The following CCDC81 variants were observed in gnomAD, a reference collection of about 807,000 sequenced individuals.
CCDC81 encodes coiled-coil domain containing 81, also known as coiled-coil domain-containing protein 81.
Under a neutral mutation model 83.7 loss-of-function variants are expected in CCDC81, and 79 were observed. That is an observed-to-expected ratio of 0.94 (90% confidence interval 0.79 to 1.14). The LOEUF (loss-of-function observed/expected upper bound fraction) is 1.14. Ranked by LOEUF, CCDC81 falls within the 50% of genes most tolerant of loss-of-function variation. The pLI is 0.00. For synonymous variants in CCDC81, 252 were observed against 278.1 expected, an observed-to-expected ratio of 0.91 and a Z score of 0.93; for missense variants, 791 against 778.1, an observed-to-expected ratio of 1.02 and a Z score of -0.20.
chr11:86,401,334 T>A (rs1948483985), intron 7 of CCDC81, among the ~76,000 whole-genome samples: 1 of 152,190 alleles, frequency 6.6e-6, no homozygotes, highest in African/African-American at 2.4e-5. Flanking sequence ...AGGATACTTT[T>A]TAAGACCTCA....
chr11:86,384,060 C>G (rs1948208309), intron 1 of CCDC81, among the ~76,000 whole-genome samples: 1 of 152,108 alleles, frequency 6.6e-6, no homozygotes, highest in Admixed American at 6.5e-5. Context: ...TCTCCTGGCT[C>G]TAATGAAATC....
chr11:86,392,493 G>T (rs1948344961), intron 3 of CCDC81, 48 bp from the exon 4 acceptor site: 3 of 1,537,372 alleles, frequency 2.0e-6, no homozygotes, highest in Admixed American at 2.0e-5. Flanking sequence ...TGTCCTTATG[G>T]TAATCACCAC....
chr11:86,415,612 C>T (rs1362252007), intron 13 of CCDC81, among the ~76,000 whole-genome samples: 1 of 152,190 alleles, frequency 6.6e-6, no homozygotes, highest in Non-Finnish European at 1.5e-5. Context: ...ACATTCCCAA[C>T]CAATAGCATA....
intron 1 of CCDC81, among the ~76,000 whole-genome samples, chr11:86,380,331 C>T (rs577397771): frequency 6.6e-6 from 1 of 152,248 alleles, no homozygotes; most frequent in Admixed American, 6.5e-5. Flanking sequence ...CTTTGTTTCT[C>T]TATAGATGAG....
chr11:86,392,073 C>A (rs961385819), intron 3 of CCDC81, among the ~76,000 whole-genome samples: 3 of 152,174 alleles, frequency 2.0e-5, no homozygotes, highest in East Asian at 3.8e-4. Context: ...CCCCATGATC[C>A]AATCACCTCC....
At chr11:86,387,400 C>T (rs1360882195) in intron 2 of CCDC81, 116 bp from the exon 3 acceptor site, 3 of 901,842 alleles carry the variant, frequency 3.3e-6, no homozygotes, top group Admixed American at 2.4e-5. Flanking sequence ...CTAGAGATCA[C>T]TGAATTTTTA....
chr11:86,383,405 T>C (rs750049767), intron 1 of CCDC81, among the ~76,000 whole-genome samples: 1 of 152,220 alleles, frequency 6.6e-6, no homozygotes, highest in Non-Finnish European at 1.5e-5. Context: ...CATATAGTAT[T>C]GTATAATTTA....
chr11:86,415,246 A>G lies in CCDC81; in HGVS notation c.1624A>G (p.Lys542Glu). Reference protein sequence around the residue: ...QLEAAANHKRKAILHQLVDQR... With the variant: ...QLEAAANHKREAILHQLVDQR... ...GGAGGCAGCTGCTAACCACAAGAGG[A>G]AAGCCATCCTGCATCAACTAGTGGA... The change falls in exon 13 of 15, where the codon AAA becomes GAA. Residue 542 changes from lysine (K) to glutamate (E), a missense_variant. Coordinates refer to ENST00000445632, the MANE Select transcript of CCDC81 (RefSeq NM_001156474.2). 1 of 1,614,230 alleles carries G rather than the reference A, an allele frequency of 6.2e-7. No homozygotes were observed. The highest frequency in any genetic ancestry group is 8.5e-7 in the Non-Finnish European group (1 of 1,180,036).
intron 11 of CCDC81, among the ~76,000 whole-genome samples, chr11:86,413,984 A>G (rs1230761550): frequency 6.6e-6 from 1 of 152,230 alleles, no homozygotes; most frequent in East Asian, 1.9e-4. Flanking sequence ...TCTGTGATGA[A>G]AAAAATCTAT....
Position 86,375,307 on chromosome 11 carries a change from CG to C in CCDC81, c.79+71del, listed in dbSNP as rs1275252501. 53 of 1,397,690 alleles carry C rather than the reference CG, an allele frequency of 3.8e-5. No homozygotes were observed. The African/African-American group carries it at 5.5e-4, about 15-fold the overall frequency. 86.6% of individuals were successfully genotyped at this position (1,397,690 alleles called of 1,614,324 possible). Reference sequence around the variant, plus strand: ...AATCTTCATCTGCTTGCAGGGGAGGCGGGGGGACCCACTTCCCAATTCCCTG... The same window carrying C: ...AATCTTCATCTGCTTGCAGGGGAGGCGGGGGACCCACTTCCCAATTCCCTG... On this transcript the variant is annotated intron_variant, in intron 1 of 14. Coordinates refer to ENST00000445632, the MANE Select transcript of CCDC81 (RefSeq NM_001156474.2).
In CCDC81 at chr11:86,400,803, T is replaced by G. The variant is rs1593925388; in HGVS notation, c.881+2T>G. ...TGGGAAGATTATGACCCCTGAAAGG[T>G]AATGCATTGACTTTTTTTTTTCTGT... is the stretch of plus-strand genomic sequence containing the variant. On this transcript the variant is annotated splice_donor_variant, in intron 7 of 14. Transcript: ENST00000445632. LOFTEE classifies it high-confidence loss of function. The G allele has an allele frequency of 6.3e-7, 1 of 1,590,202 alleles. No individual in the cohort carries two copies. Among genetic ancestry groups the G allele is most frequent in the South Asian group, 1.2e-5 (1 of 86,942 alleles).
intron 11 of CCDC81, among the ~76,000 whole-genome samples, chr11:86,414,005 T>C (rs954605129): frequency 1.3e-5 from 2 of 152,232 alleles, no homozygotes; most frequent in Non-Finnish European, 2.9e-5. Context: ...TTCTATAAAA[T>C]GTATATGTTC....
chr11:86,413,654 A>G (rs1318263986), intron 11 of CCDC81, among the ~76,000 whole-genome samples: 2 of 152,196 alleles, frequency 1.3e-5, no homozygotes, highest in African/African-American at 4.8e-5. Context: ...TGTTTTTGCA[A>G]TCGCCAATAC....
In CCDC81 at chr11:86,415,085, T is replaced by C. The variant is rs753348457; in HGVS notation, c.1471-8T>C. 1 of 1,613,424 alleles carries C rather than the reference T, an allele frequency of 6.2e-7. No individual in the cohort carries two copies. The highest frequency in any genetic ancestry group is 8.5e-7 in the Non-Finnish European group (1 of 1,179,340). On this transcript the variant is annotated splice_region_variant and splice_polypyrimidine_tract_variant and intron_variant, in intron 12 of 14. Transcript: ENST00000445632. ...TGATAACCTGCATTATGTGTATCTC[T>C]GTTTAAGATAAAGAACAAACCCTCT...
At chr11:86,420,127 T>C in intron 14 of CCDC81, 74 bp downstream of exon 14, 1 of 1,554,890 alleles carries the variant, frequency 6.4e-7, no homozygotes. Flanking sequence ...GGAACTCCAC[T>C]TGATTAGCAG....
chr11:86,413,625 A>G (rs1948675641), intron 11 of CCDC81, among the ~76,000 whole-genome samples: 1 of 152,232 alleles, frequency 6.6e-6, no homozygotes, highest in Non-Finnish European at 1.5e-5. Context: ...TTACTATAAT[A>G]TAGAGCATCA....
At chr11:86,410,913 T>A (rs541499582) in intron 10 of CCDC81, among the ~76,000 whole-genome samples, 15 of 152,340 alleles carry the variant, frequency 9.8e-5, no homozygotes, top group Non-Finnish European at 7.3e-5. Context: ...AATGTCTTCA[T>A]CTTTAATGTT....
chr11:86,414,612 T>C (rs1447207961), intron 11 of CCDC81, 177 bp from the exon 12 acceptor site: 4 of 574,356 alleles, frequency 7.0e-6, no homozygotes, highest in Middle Eastern at 4.7e-4. Context: ...TGGCCGCCTA[T>C]GGATTTGAAT....
At chr11:86,407,741 A>G in intron 8 of CCDC81, 40 bp downstream of exon 8, 1 of 1,471,932 alleles carries the variant, frequency 6.8e-7, no homozygotes, top group Non-Finnish European at 9.4e-7. Context: ...TCAGAATCTT[A>G]TACTGATTTT....
Sources: allele counts gnomAD v4.1 joint callset (sites outside exome capture counted in the v4.1 genomes callset), GRCh38; gene constraint gnomAD v4.1.1; transcripts MANE v1.5; gene names NCBI Gene and HGNC (gene_info 2026-07-23, HGNC 2026-07-21).